AHR: variants seen among roughly 807,000 people sequenced by gnomAD.
AHR encodes AH-receptor.
In AHR, 40 loss-of-function variants were observed where a neutral mutation model predicts 86.8. The observed-to-expected ratio is 0.46, with a 90% CI of 0.36 to 0.60. The LOEUF (loss-of-function observed/expected upper bound fraction) is 0.60. Among genes scored for constraint, AHR ranks in the 20% least tolerant of loss-of-function variants. The pLI, the probability that AHR is intolerant of heterozygous loss-of-function variation, is 0.00. For missense variants in AHR, 1,001 were observed against 1,011.6 expected, an observed-to-expected ratio of 0.99 and a Z score of 0.14; for synonymous variants, 398 against 354.9, an observed-to-expected ratio of 1.12 and a Z score of -1.37.
chr7:17,302,457 A>G (rs1781964249), intron 1 of AHR, among the ~76,000 whole-genome samples: 1 of 152,062 alleles, frequency 6.6e-6, no homozygotes, highest in Admixed American at 6.6e-5. Context: ...TGTTTTCTAT[A>G]AATTTATGGT....
intron 9 of AHR, among the ~76,000 whole-genome samples, chr7:17,337,894 T>A (rs1305676526): frequency 6.6e-6 from 1 of 152,010 alleles, no homozygotes; most frequent in East Asian, 1.9e-4. Flanking sequence ...ATTATGGATA[T>A]GAAATTTTAT....
chr7:17,310,080 T>A lies in AHR; in HGVS notation c.210T>A (p.Leu70=). 1 of 1,614,036 alleles carries A rather than the reference T, an allele frequency of 6.2e-7. No individual in the cohort carries two copies. Among genetic ancestry groups the A allele is most frequent in the Non-Finnish European group, 8.5e-7 (1 of 1,179,922 alleles). Residue 70 remains leucine (L), a synonymous_variant, in exon 2 of 11, where the codon CTT becomes CTA. Coordinates refer to ENST00000242057, the MANE Select transcript of AHR (RefSeq NM_001621.5). ...VINKLDKLSV[L]RLSVSYLRAK... Reference sequence around the variant, plus strand: ...ATAAGTTGGACAAACTTTCAGTTCTTAGGCTCAGCGTCAGTTACCTGAGAG... The same window carrying A: ...ATAAGTTGGACAAACTTTCAGTTCTAAGGCTCAGCGTCAGTTACCTGAGAG...
chr7:17,326,394 A>C (rs1196137702), intron 3 of AHR, among the ~76,000 whole-genome samples: 4 of 152,190 alleles, frequency 2.6e-5, no homozygotes, highest in Non-Finnish European at 5.9e-5. Context: ...TGTGAGCAGC[A>C]TAAGCACTAG....
At position 17,330,163 on chromosome 7, in the gene AHR, C is replaced by T. The variant is rs1021070837; in HGVS notation, c.574+88C>T. 7 of 1,280,894 alleles carry T rather than the reference C, an allele frequency of 5.5e-6. No homozygotes were observed. The African/African-American group carries it at 7.5e-5, about 14-fold the overall frequency. 79.3% of individuals were successfully genotyped at this position (1,280,894 alleles called of 1,614,324 possible). The stretch of plus-strand genomic sequence containing the variant: ...GCTGGGAACCTGTAGGGTCATAGAA[C>T]TCCATGATAGGGAAGTAGTGGAAAG... On this transcript the variant is annotated intron_variant, in intron 5 of 10. Coordinates refer to ENST00000242057, the MANE Select transcript of AHR (RefSeq NM_001621.5).
chr7:17,338,286 C>T (rs1782377595), intron 9 of AHR, among the ~76,000 whole-genome samples: 1 of 150,640 alleles, frequency 6.6e-6, no homozygotes, highest in African/African-American at 2.4e-5. Flanking sequence ...GTCTTTATAG[C>T]TGCTGGGTTT....
rs1044615912 is a variant in AHR at position 17,345,931 on chromosome 7, C to G, written c.*2867C>G. ...TTTTCTTACAATACCTGAAGACTTA[C>G]CAGTATTCTAGTGTATTATGAAGCT... On this transcript the variant is annotated 3_prime_UTR_variant, in exon 11 of 11. Coordinates refer to ENST00000242057, the MANE Select transcript of AHR (RefSeq NM_001621.5). 6.6e-6 allele frequency: 1 copy of G among 152,634 alleles called. No individual in the cohort carries two copies. The highest frequency in any genetic ancestry group is 1.5e-5 in the Non-Finnish European group (1 of 67,996). 9.5% of individuals were successfully genotyped at this position (152,634 alleles called of 1,614,324 possible).
chr7:17,345,852 T>C lies in AHR; in HGVS notation c.*2788T>C, dbSNP rs181547861. 52 of 151,900 alleles carry C rather than the reference T, an allele frequency of 3.4e-4. No homozygotes were observed. The East Asian group carries it at 8.3e-3, about 24-fold the overall frequency. The allele number at this position is 151,900 out of a possible 1,614,324, so 9.4% of individuals were successfully genotyped here. A position where few individuals can be genotyped will look rare whatever the true frequency, so the allele number is the denominator to read the frequency against. ...CATTGTGGGATTTATTTCTAGATGA[T>C]GTGCACATCTAAGGATATGGATGTG... is the stretch of plus-strand genomic sequence containing the variant. On this transcript the variant is annotated 3_prime_UTR_variant, in exon 11 of 11. Transcript: ENST00000242057.
rs1275371076 is a variant in AHR, at chr7:17,343,912, C to A, written c.*848C>A. 1 of 152,330 alleles carries A rather than the reference C, an allele frequency of 6.6e-6. No homozygotes were observed. The highest frequency in any genetic ancestry group is 1.5e-5 in the Non-Finnish European group (1 of 67,930). 9.4% of individuals were successfully genotyped at this position (152,330 alleles called of 1,614,324 possible). On this transcript the variant is annotated 3_prime_UTR_variant, in exon 11 of 11. Transcript: ENST00000242057. ...AGTAAAATGTCTTTCCAAATTATTT[C>A]TTAATTATTATAAAAATATTAAGAC...
At chr7:17,335,575 T>G in intron 8 of AHR, 70 bp from the exon 9 acceptor site, 1 of 1,327,488 alleles carries the variant, frequency 7.5e-7, no homozygotes, top group Non-Finnish European at 1.0e-6. Flanking sequence ...CACAAGAGCT[T>G]TGTTTTAGGA....
intron 4 of AHR, among the ~76,000 whole-genome samples, chr7:17,329,252 T>C (rs1369274957): frequency 6.6e-6 from 1 of 151,962 alleles, no homozygotes; most frequent in African/African-American, 2.4e-5. Context: ...TAAAATAATA[T>C]AGAATACACA....
At chr7:17,330,981 C>G (rs1353734985) in intron 6 of AHR, 95 bp downstream of exon 6, 16 of 1,360,748 alleles carry the variant, frequency 1.2e-5, no homozygotes, top group Non-Finnish European at 1.6e-5. Flanking sequence ...CAGCAGAGAA[C>G]TATTCCCAAA....
intron 3 of AHR, among the ~76,000 whole-genome samples, chr7:17,323,086 T>A (rs1782191245): frequency 6.6e-6 from 1 of 152,046 alleles, no homozygotes; most frequent in South Asian, 2.1e-4. Flanking sequence ...TTTGAATGTG[T>A]CCCTGTTAAG....
chr7:17,307,931 C>T (rs1277536315), intron 1 of AHR, among the ~76,000 whole-genome samples: 1 of 152,172 alleles, frequency 6.6e-6, no homozygotes, highest in East Asian at 1.9e-4. Flanking sequence ...TCATTTTACT[C>T]ATGTCTGTCC....
chr7:17,339,966 G>T lies in AHR; in HGVS notation c.2141G>T (p.Cys714Phe), dbSNP rs1481201448. 10 of 1,614,160 alleles carry T rather than the reference G, an allele frequency of 6.2e-6. No homozygotes were observed. The highest frequency in any genetic ancestry group is 8.5e-6 in the Non-Finnish European group (10 of 1,180,014). ...CCTGTATTACCACAACATTCCAAAT[G>T]TACAGAGCTGGACTACCCTATGGGG... The part of the protein sequence containing the change: ...NQPVLPQHSK[C>F]TELDYPMGSF... Residue 714 changes from cysteine (C) to phenylalanine (F), a missense_variant, in exon 10 of 11, where the codon TGT (cysteine) becomes TTT (phenylalanine). Transcript: ENST00000242057.
intron 3 of AHR, among the ~76,000 whole-genome samples, chr7:17,324,268 T>C (rs1584036557): frequency 6.6e-6 from 1 of 152,312 alleles, no homozygotes; most frequent in African/African-American, 2.4e-5. Context: ...GGATTGTGCT[T>C]ATATGTTATC....
intron 1 of AHR, among the ~76,000 whole-genome samples, chr7:17,309,306 T>C (rs1475411221): frequency 6.6e-6 from 1 of 152,216 alleles, no homozygotes; most frequent in African/African-American, 2.4e-5. Context: ...TAACCTCTAA[T>C]ATTTGCCAAC....
chr7:17,323,854 A>G (rs1465277415), intron 3 of AHR, among the ~76,000 whole-genome samples: 1 of 152,194 alleles, frequency 6.6e-6, no homozygotes, highest in African/African-American at 2.4e-5. Context: ...AAGACTCCTT[A>G]TTCAGGTCAT....
Position 17,322,651 on chromosome 7 carries a change from A to C in AHR, c.360+44A>C, listed in dbSNP as rs903730653. The stretch of plus-strand genomic sequence containing the variant: ...AGTTTCTTACACTAAGGACAGTTGT[A>C]AATGGAAAATGAATTAATAAGTCTT... On this transcript the variant is annotated intron_variant, in intron 3 of 10. Coordinates refer to ENST00000242057, the MANE Select transcript of AHR (RefSeq NM_001621.5). 2.5e-6 allele frequency: 3 copies of C among 1,220,158 alleles called. No homozygotes were observed. In the Admixed American group the frequency reaches 6.0e-5, roughly 24 times the overall value. 75.6% of individuals were successfully genotyped at this position (1,220,158 alleles called of 1,614,324 possible). A position where few individuals can be genotyped will look rare whatever the true frequency, so the allele number is the denominator to read the frequency against.
rs1562482264 is a variant in AHR, at chr7:17,338,965, CT to C, written c.1161-15del. The C allele has an allele frequency of 1.3e-6, 2 of 1,516,444 alleles. No homozygotes were observed. Among genetic ancestry groups the C allele is most frequent in the Non-Finnish European group, 1.8e-6 (2 of 1,131,328 alleles). 93.9% of individuals were successfully genotyped at this position (1,516,444 alleles called of 1,614,324 possible). A position where few individuals can be genotyped will look rare whatever the true frequency, so the allele number is the denominator to read the frequency against. On this transcript the variant is annotated intron_variant, in intron 9 of 10. Transcript: ENST00000242057. The stretch of plus-strand genomic sequence containing the variant: ...TGTTTGATAGAATTTTTTTCTAAGA[CT>C]TTTTTGTACACAATTTTAGAGATGA...
Sources: allele counts gnomAD v4.1 joint callset (sites outside exome capture counted in the v4.1 genomes callset), GRCh38; gene constraint gnomAD v4.1.1; transcripts MANE v1.5; gene names NCBI Gene and HGNC (gene_info 2026-07-23, HGNC 2026-07-21).